Variants in PAK4 observed in about 807,000 individuals in gnomAD.
PAK4 encodes the protein serine/threonine-protein kinase PAK 4.
PAK4 carries 49 observed loss-of-function variants against 53.5 expected under a neutral mutation model. The ratio of observed to expected loss-of-function variants is 0.92; its 90% CI spans 0.73 to 1.16. The LOEUF is 1.16. PAK4 is among the 50% of genes most tolerant of loss of function. PAK4 has a pLI of 0.00. For missense variants in PAK4, 824 were observed against 850.7 expected (o/e 0.97, Z 0.39); for synonymous variants, 376 against 375.6 (o/e 1.00, Z -0.01).
chr19:39,179,225 A>G (rs1480133730), exon 9 of PAK4: 1 of 152,524 alleles, frequency 6.6e-6, no homozygotes, highest in Non-Finnish European at 1.5e-5. Context: ...GTCTATTTAT[A>G]TTGTCATTTT....
rs1600334918 is a variant in PAK4 at position 39,145,932 on chromosome 19, A to G, written c.-23+20013A>G. On this transcript the variant is annotated intron_variant, in intron 1 of 8. Transcript: ENST00000358301. ...TTGCCACCCAGCTCCGCCACCTTCTAGCTGGACGGCCCTGGGCATGTGTTG... is the reference window on the plus strand; with the variant it reads ...TTGCCACCCAGCTCCGCCACCTTCTGGCTGGACGGCCCTGGGCATGTGTTG... 3.9e-5 allele frequency among the ~76,000 whole-genome samples: 6 copies of G among 152,188 alleles called. No individual in the cohort carries two copies. The South Asian group carries it at 1.2e-3, about 32-fold the overall frequency.
At chr19:39,146,872 GGA>G (rs1315806291) in intron 1 of PAK4, among the ~76,000 whole-genome samples, 1 of 151,262 alleles carries the variant, frequency 6.6e-6, no homozygotes, top group Non-Finnish European at 1.5e-5. Flanking sequence ...AGGGAGAAAG[GGA>G]GAGAGGGAGG....
At chr19:39,132,612 G>A (rs11669124) in intron 1 of PAK4, among the ~76,000 whole-genome samples, 40,871 of 152,266 alleles carry the variant, frequency 0.27, 6,385 homozygotes, top group East Asian at 0.36. Context: ...TCCGTGCTGT[G>A]AACAGGGCTG....
At chr19:39,142,500 C>T (rs1477508575) in intron 1 of PAK4, among the ~76,000 whole-genome samples, 3 of 152,096 alleles carry the variant, frequency 2.0e-5, no homozygotes, top group Non-Finnish European at 4.4e-5. Context: ...AGGCTGGTAC[C>T]CAGATCCAGC....
At chr19:39,158,125 G>A (rs1042808588) in intron 1 of PAK4, among the ~76,000 whole-genome samples, 11 of 151,510 alleles carry the variant, frequency 7.3e-5, no homozygotes, top group South Asian at 2.1e-4. Context: ...GTGTGAGTGC[G>A]TGCGTGCATG....
At chr19:39,172,693 G>C (rs966232323) in intron 2 of PAK4, among the ~76,000 whole-genome samples, 1 of 152,148 alleles carries the variant, frequency 6.6e-6, no homozygotes, top group Non-Finnish European at 1.5e-5. Context: ...GAGCCCAGGG[G>C]GCAGCAGCCT....
At chr19:39,174,490 T>C (rs2074561395) in intron 4 of PAK4, among the ~76,000 whole-genome samples, 1 of 151,340 alleles carries the variant, frequency 6.6e-6, no homozygotes, top group African/African-American at 2.4e-5. Flanking sequence ...ACCCTGACGA[T>C]AGGAAGCCCA....
At position 39,169,591 on chromosome 19, in the gene PAK4, C is replaced by T. The variant is rs146498509; in HGVS notation, c.38C>T (p.Ala13Val). Residue 13 changes from alanine to valine, a missense_variant, in exon 2 of 9, where the codon GCG (alanine) becomes GTG (valine). Ala to Val is a moderately conservative substitution (Grantham distance 64). This residue lies in a region of PAK4 where 478 missense variants were observed against 435.8 expected (regional missense o/e 1.10). Transcript: ENST00000358301. ...AGGAAGAAGCGGGTGGAGATCTCCGCGCCGTCCAACTTCGAGCACCGCGTG... is the reference window on the plus strand; with the variant it reads ...AGGAAGAAGCGGGTGGAGATCTCCGTGCCGTCCAACTTCGAGCACCGCGTG... 5.6e-6 allele frequency: 9 copies of T among 1,611,470 alleles called. No individual in the cohort carries two copies. Among genetic ancestry groups the T allele is most frequent in the South Asian group, 4.4e-5 (4 of 90,892 alleles).
At chr19:39,160,904 C>G (rs1231915724) in intron 1 of PAK4, among the ~76,000 whole-genome samples, 4 of 152,214 alleles carry the variant, frequency 2.6e-5, no homozygotes, top group Non-Finnish European at 5.9e-5. Flanking sequence ...AGAGTGGAGG[C>G]CTTGGCTGGA....
At position 39,161,870 on chromosome 19, in the gene PAK4, A is replaced by G. The variant is rs551562871; in HGVS notation, c.-22-7662A>G. 5.3e-5 allele frequency among the ~76,000 whole-genome samples: 8 copies of G among 151,704 alleles called. No homozygotes were observed. The highest frequency in any genetic ancestry group is 1.2e-4 in the Non-Finnish European group (8 of 67,926). The stretch of plus-strand genomic sequence containing the variant: ...GGCTGCCCTTCCTCCAGAGCCCTAC[A>G]TGGCTCCCTCTCCCCTCCTCACGCA... On this transcript the variant is annotated intron_variant, in intron 1 of 8. Transcript: ENST00000358301. The surrounding 1 kb of genome is among the most constrained non-coding windows in gnomAD (Gnocchi z 4.5).
Position 39,175,551 on chromosome 19 carries a change from T to A in PAK4, c.1359+113T>A. ...GAGCTCTGACCCCCAGGTCTGTGTC[T>A]TGAGGAGCTGGGAACTTCGTCCCTC... On this transcript the variant is annotated intron_variant, in intron 6 of 8. Transcript: ENST00000358301. This position sits in a 1 kb window ranked among gnomAD's most constrained non-coding sequence, Gnocchi z 4.7. 8.4e-7 allele frequency: 1 copy of A among 1,189,602 alleles called. No homozygotes were observed. 73.7% of individuals were successfully genotyped at this position (1,189,602 alleles called of 1,614,324 possible). A position where few individuals can be genotyped will look rare whatever the true frequency, so the allele number is the denominator to read the frequency against.
chr19:39,176,459 A>G lies in PAK4; in HGVS notation c.1360-131A>G, dbSNP rs1173445957. The G allele has an allele frequency of 2.4e-6, 3 of 1,247,358 alleles. No individual in the cohort carries two copies. The East Asian group carries it at 7.0e-5, about 29-fold the overall frequency. The allele number at this position is 1,247,358 out of a possible 1,614,324, so 77.3% of individuals were successfully genotyped here. ...GGTCTGGCTCTAGACCCCAGCTCTGACCCTAGACCCCAGCTCTGACCTCTG... is the reference window on the plus strand; with the variant it reads ...GGTCTGGCTCTAGACCCCAGCTCTGGCCCTAGACCCCAGCTCTGACCTCTG... On this transcript the variant is annotated intron_variant, in intron 6 of 8. Transcript: ENST00000358301.
exon 9 of PAK4, chr19:39,179,253 G>A (rs542325659): frequency 6.6e-6 from 1 of 152,592 alleles, no homozygotes; most frequent in Non-Finnish European, 1.5e-5. Flanking sequence ...TCTAGCCCCT[G>A]CCCTTATTGG....
intron 1 of PAK4, among the ~76,000 whole-genome samples, chr19:39,142,845 G>A (rs977723783): frequency 3.9e-5 from 6 of 152,130 alleles, no homozygotes; most frequent in Non-Finnish European, 5.9e-5. Context: ...GTGGCCATAC[G>A]TCCCTTGGGC....
intron 2 of PAK4, among the ~76,000 whole-genome samples, chr19:39,170,394 G>T (rs569587822): frequency 9.2e-5 from 14 of 152,268 alleles, no homozygotes; most frequent in African/African-American, 3.4e-4. Flanking sequence ...AGAGCAAAAT[G>T]GCAAGGTTGG....
chr19:39,157,225 G>C (rs996366220), intron 1 of PAK4, among the ~76,000 whole-genome samples: 1 of 151,804 alleles, frequency 6.6e-6, no homozygotes, highest in African/African-American at 2.4e-5. Flanking sequence ...GGGTCGGGGG[G>C]GTGCCTCCTA....
Position 39,173,245 on chromosome 19 carries a change from C to G in PAK4, c.532C>G (p.Arg178Gly). Reference sequence around the variant, plus strand: ...TCCCCAGGAGTCCTCCCGGGACAAACGCCCCCTCTCCGGGCCTGATGTCGG... The same window carrying G: ...TCCCCAGGAGTCCTCCCGGGACAAAGGCCCCCTCTCCGGGCCTGATGTCGG... Residue 178 changes from arginine (R) to glycine (G), a missense_variant, in exon 3 of 9, where the codon CGC becomes GGC. Physicochemically the swap from Arg to Gly is moderately radical, Grantham distance 125. This residue lies in a region of PAK4 where 478 missense variants were observed against 435.8 expected (regional missense o/e 1.10). Transcript: ENST00000358301. The surrounding 1 kb of genome is among the most constrained non-coding windows in gnomAD (Gnocchi z 6.9). 6.3e-7 allele frequency: 1 copy of G among 1,583,372 alleles called. No homozygotes were observed.
rs2074651511 is a variant in PAK4 at position 39,178,351 on chromosome 19, G to A, written c.1621-73G>A. On this transcript the variant is annotated intron_variant, in intron 8 of 8. Transcript: ENST00000358301. The surrounding 1 kb of genome is among the most constrained non-coding windows in gnomAD (Gnocchi z 4.4). ...CATGCCGCCAGCCGACTTGGCAGAGGCGGACACTGCAGCCCTACAGCAAAT... is the reference window on the plus strand; with the variant it reads ...CATGCCGCCAGCCGACTTGGCAGAGACGGACACTGCAGCCCTACAGCAAAT... The A allele has an allele frequency of 6.6e-7, 1 of 1,503,942 alleles. No homozygotes were observed. The highest frequency in any genetic ancestry group is 1.4e-5 in the African/African-American group (1 of 72,394). 93.2% of individuals were successfully genotyped at this position (1,503,942 alleles called of 1,614,324 possible). A position where few individuals can be genotyped will look rare whatever the true frequency, so the allele number is the denominator to read the frequency against.
At chr19:39,141,822 A>C (rs568395406) in intron 1 of PAK4, among the ~76,000 whole-genome samples, 42 of 151,832 alleles carry the variant, frequency 2.8e-4, no homozygotes, top group Non-Finnish European at 4.6e-4. Flanking sequence ...TTTTTAGTAG[A>C]GACAGAGTTT....
Sources: allele counts gnomAD v4.1 joint callset (sites outside exome capture counted in the v4.1 genomes callset), GRCh38; gene constraint gnomAD v4.1.1; regional missense constraint gnomAD v4.1.1; non-coding constraint Gnocchi (gnomAD v3.1); transcripts MANE v1.5; gene names NCBI Gene and HGNC (gene_info 2026-07-23, HGNC 2026-07-21).